CNTNAP3: variants seen among roughly 807,000 people sequenced by gnomAD.
CNTNAP3 encodes contactin associated protein family member 3.
A neutral mutation model predicts 92.1 loss-of-function variants in CNTNAP3; 36 were observed. The ratio of observed to expected loss-of-function variants is 0.39; its 90% CI spans 0.30 to 0.52. The LOEUF (loss-of-function observed/expected upper bound fraction) is 0.52. Ranked by LOEUF, CNTNAP3 falls within the 20% of genes least tolerant of loss-of-function variation. CNTNAP3 has a pLI of 0.76. For synonymous variants in CNTNAP3, 232 were observed against 422.3 expected (o/e 0.55, Z 5.53); for missense variants, 534 against 1,069.6 (o/e 0.50, Z 6.98).
intron 15 of CNTNAP3, among the ~76,000 whole-genome samples, chr9:39,104,466 GCACATACACATACA>G (rs1826546962): frequency 8.9e-6 from 1 of 112,138 alleles, no homozygotes. Context: ...TTTCCTTCCT[GCACATACACATACA>G]CACACACACA....
intron 14 of CNTNAP3, among the ~76,000 whole-genome samples, chr9:39,110,237 A>C (rs1278911158): frequency 6.6e-6 from 1 of 152,092 alleles, no homozygotes; most frequent in Admixed American, 6.6e-5. Flanking sequence ...CTCTACAAAA[A>C]ATACAAAAAT....
At chr9:39,136,443 C>A (rs1355828888) in intron 12 of CNTNAP3, among the ~76,000 whole-genome samples, 3 of 151,986 alleles carry the variant, frequency 2.0e-5, no homozygotes, top group Admixed American at 6.6e-5. Context: ...ATCTTTATTT[C>A]TTCACTTTTC....
intron 13 of CNTNAP3, among the ~76,000 whole-genome samples, chr9:39,122,027 G>C (rs1424772448): frequency 2.0e-5 from 3 of 152,126 alleles, no homozygotes; most frequent in Non-Finnish European, 2.9e-5. Context: ...CAGGAAGACA[G>C]GTTCTCTAAA....
chr9:39,123,010 T>C (rs905282381), intron 13 of CNTNAP3, among the ~76,000 whole-genome samples: 5 of 151,494 alleles, frequency 3.3e-5, no homozygotes, highest in Non-Finnish European at 5.9e-5. Context: ...AGTTTGAAGA[T>C]ACGTCAATAA....
Position 39,072,519 on chromosome 9 carries a change from T to C in CNTNAP3, c.*1371A>G, listed in dbSNP as rs966304612. 1.0e-4 allele frequency among the ~76,000 whole-genome samples: 15 copies of C among 150,662 alleles called. No individual in the cohort carries two copies. Among genetic ancestry groups the C allele is most frequent in the African/African-American group, 3.4e-4 (14 of 40,654 alleles). The stretch of plus-strand genomic sequence containing the variant: ...CAATCCTTTGCTGTCTTAGTGTGTA[T>C]GTAAACCTTAATGAGACATGTTCCA... On this transcript the variant is annotated 3_prime_UTR_variant, in exon 24 of 24. Coordinates refer to ENST00000297668, the MANE Select transcript of CNTNAP3 (RefSeq NM_033655.5).
intron 13 of CNTNAP3, among the ~76,000 whole-genome samples, chr9:39,118,894 G>A (rs186774935): frequency 2.0e-5 from 3 of 152,292 alleles, no homozygotes; most frequent in African/African-American, 4.8e-5. Context: ...GCTCTGACGA[G>A]TGCACCTCCT....
intron 18 of CNTNAP3, among the ~76,000 whole-genome samples, chr9:39,089,501 T>C (rs1826142247): frequency 6.6e-6 from 1 of 152,192 alleles, no homozygotes; most frequent in Non-Finnish European, 1.5e-5. Flanking sequence ...TTTTTGACTA[T>C]TATAAATAAT....
intron 14 of CNTNAP3, among the ~76,000 whole-genome samples, chr9:39,111,109 A>C (rs1373731090): frequency 6.6e-6 from 1 of 152,200 alleles, no homozygotes; most frequent in African/African-American, 2.4e-5. Flanking sequence ...TGATACTAGA[A>C]TACAATGCAT....
intron 12 of CNTNAP3, among the ~76,000 whole-genome samples, chr9:39,138,976 A>T (rs1203553043): frequency 6.6e-6 from 1 of 152,158 alleles, no homozygotes; most frequent in Non-Finnish European, 1.5e-5. Context: ...CAAGCTCTGA[A>T]GCAACTGCTT....
intron 4 of CNTNAP3, among the ~76,000 whole-genome samples, chr9:39,179,340 C>CACAG (rs1425353465): frequency 9.2e-6 from 1 of 109,186 alleles, no homozygotes; most frequent in Admixed American, 8.7e-5. Flanking sequence ...CACACACACA[C>CACAG]AGGCACACAG....
intron 18 of CNTNAP3, among the ~76,000 whole-genome samples, chr9:39,094,718 T>C (rs1032471042): frequency 6.6e-6 from 1 of 151,700 alleles, no homozygotes; most frequent in African/African-American, 2.4e-5. Context: ...TTTATCCTCA[T>C]TCAGTGCCAC....
chr9:39,149,807 T>C lies in CNTNAP3; in HGVS notation c.1648A>G (p.Arg550Gly). The change falls in exon 10 of 24, where the codon AGG becomes GGG. Residue 550 changes from arginine to glycine, a missense_variant and splice_region_variant. Physicochemically the swap from Arg to Gly is moderately radical, Grantham distance 125. Coordinates refer to ENST00000297668, the MANE Select transcript of CNTNAP3 (RefSeq NM_033655.5). ...LQIDSCGITDRCLPSYCEHGG... is the reference protein window; with the variant it reads ...LQIDSCGITDGCLPSYCEHGG... ...AAAGTGACCTAGGATGGCCCTTACC[T>C]GTCTGTGATGCCGCAGGAGTCTATC... 6.3e-7 allele frequency: 1 copy of C among 1,583,150 alleles called. No individual in the cohort carries two copies. Among genetic ancestry groups the C allele is most frequent in the Non-Finnish European group, 8.6e-7 (1 of 1,162,524 alleles).
chr9:39,075,393 T>A (rs1016400497), intron 23 of CNTNAP3, among the ~76,000 whole-genome samples: 1 of 151,424 alleles, frequency 6.6e-6, no homozygotes, highest in Non-Finnish European at 1.5e-5. Flanking sequence ...AGCAATCATA[T>A]TAGTGACAAA....
chr9:39,145,820 T>C lies in CNTNAP3; in HGVS notation c.1650-1474A>G, dbSNP rs914585. Among the ~76,000 whole-genome samples, 30 of 140,344 alleles carry C rather than the reference T, an allele frequency of 2.1e-4. 1 individual carries two copies. Among genetic ancestry groups the C allele is most frequent in the Non-Finnish European group, 3.3e-4 (21 of 62,926 alleles). The allele number at this position is 140,344 out of a possible 152,430, so 92.1% of individuals were successfully genotyped here. A position where few individuals can be genotyped will look rare whatever the true frequency, so the allele number is the denominator to read the frequency against. ...TGTGAACTGATCAGAAGAGGGGCAG[T>C]TGGAGTGACAGGCAAGGTTGGCTGG... is the stretch of plus-strand genomic sequence containing the variant. On this transcript the variant is annotated intron_variant, in intron 10 of 23. Coordinates refer to ENST00000297668, the MANE Select transcript of CNTNAP3 (RefSeq NM_033655.5).
chr9:39,121,453 C>G (rs551119263), intron 13 of CNTNAP3, among the ~76,000 whole-genome samples: 12 of 152,242 alleles, frequency 7.9e-5, no homozygotes, highest in Non-Finnish European at 1.0e-4. Context: ...CGCTCCCATT[C>G]TCACAACAAG....
intron 15 of CNTNAP3, among the ~76,000 whole-genome samples, chr9:39,104,481 C>CAT (rs1413443339): frequency 9.4e-6 from 1 of 106,764 alleles, no homozygotes; most frequent in East Asian, 2.7e-4. Flanking sequence ...TACACATACA[C>CAT]ACACACACAC....
At chr9:39,102,776 G>A in intron 16 of CNTNAP3, 61 bp from the exon 17 acceptor site, 1 of 724,856 alleles carries the variant, frequency 1.4e-6, no homozygotes, top group Non-Finnish European at 2.3e-6. Context: ...GTCTTGTGCA[G>A]ACACAGGAAA....
rs1390229043 is a variant in CNTNAP3, at chr9:39,070,358, C to T, written c.*3532G>A. Among the ~76,000 whole-genome samples, 3 of 131,210 alleles carry T rather than the reference C, an allele frequency of 2.3e-5. No homozygotes were observed. The highest frequency in any genetic ancestry group is 7.7e-5 in the Admixed American group (1 of 12,908). The allele number at this position is 131,210 out of a possible 152,430, so 86.1% of individuals were successfully genotyped here. ...AAAGAGAATGAGATCCTGTCACTTG[C>T]GACAGCATGGATGGAACTGGAGGTC... On this transcript the variant is annotated 3_prime_UTR_variant, in exon 24 of 24. Transcript: ENST00000297668.
chr9:39,136,832 C>T (rs546349076), intron 12 of CNTNAP3, among the ~76,000 whole-genome samples: 13 of 152,138 alleles, frequency 8.5e-5, no homozygotes, highest in Middle Eastern at 3.4e-3. Flanking sequence ...ACCCAGTAGG[C>T]GGAGTTGTGG....
Sources: allele counts gnomAD v4.1 joint callset (sites outside exome capture counted in the v4.1 genomes callset), GRCh38; gene constraint gnomAD v4.1.1; transcripts MANE v1.5; gene names NCBI Gene and HGNC (gene_info 2026-07-23, HGNC 2026-07-21).